PTPRN2: variants seen among roughly 807,000 people sequenced by gnomAD.
PTPRN2 encodes the protein protein tyrosine phosphatase receptor type N2.
PTPRN2 carries 74 observed loss-of-function variants against 118.8 expected under a neutral mutation model. The ratio of observed to expected loss-of-function variants is 0.62; its 90% CI spans 0.52 to 0.76. The LOEUF is 0.76. PTPRN2 is among the 30% of genes least tolerant of loss of function. The probability of loss-of-function intolerance (pLI) is 0.00; values close to 1 mark genes in which losing one functional copy is unlikely to be tolerated. For synonymous variants in PTPRN2, 641 were observed against 608.0 expected (o/e 1.05, Z -0.80); for missense variants, 1,481 against 1,394.4 (o/e 1.06, Z -0.99).
At chr7:158,560,703 A>C (rs1158227346) in intron 1 of PTPRN2, among the ~76,000 whole-genome samples, 1 of 152,246 alleles carries the variant, frequency 6.6e-6, no homozygotes, top group Non-Finnish European at 1.5e-5. Flanking sequence ...GGCACTTTTC[A>C]TGAAGCCCTT....
At chr7:157,759,947 C>T (rs1190903000) in intron 12 of PTPRN2, among the ~76,000 whole-genome samples, 1 of 152,174 alleles carries the variant, frequency 6.6e-6, no homozygotes, top group Non-Finnish European at 1.5e-5. Flanking sequence ...TCAGTGAGAA[C>T]CATAGTGTAG....
intron 2 of PTPRN2, among the ~76,000 whole-genome samples, chr7:158,451,977 T>C (rs1235695599): frequency 6.6e-6 from 1 of 152,226 alleles, no homozygotes; most frequent in East Asian, 1.9e-4. Context: ...GCTATGTATT[T>C]TCCAAATGTC....
At position 157,861,177 on chromosome 7, in the gene PTPRN2, C is replaced by A. The variant is rs1490386487; in HGVS notation, c.1788+37496G>T. On this transcript the variant is annotated intron_variant, in intron 12 of 22. Coordinates refer to ENST00000389418, the MANE Select transcript of PTPRN2 (RefSeq NM_002847.5). The surrounding 1 kb of genome is among the most constrained non-coding windows in gnomAD (Gnocchi z 5.8). The stretch of plus-strand genomic sequence containing the variant: ...AGGGATGTGCCAGCTCAGGGAGGCA[C>A]CCTGTGCGTGCTCCATGGTGACACT... Among the ~76,000 whole-genome samples, 2 of 152,178 alleles carry A rather than the reference C, an allele frequency of 1.3e-5. No individual in the cohort carries two copies. The highest frequency in any genetic ancestry group is 2.9e-5 in the Non-Finnish European group (2 of 68,032).
rs1473964603 is a variant in PTPRN2 at position 157,808,126 on chromosome 7, A to G, written c.1788+90547T>C. Among the ~76,000 whole-genome samples, 1 of 151,012 alleles carries G rather than the reference A, an allele frequency of 6.6e-6. No homozygotes were observed. The highest frequency in any genetic ancestry group is 1.5e-5 in the Non-Finnish European group (1 of 68,016). On this transcript the variant is annotated intron_variant, in intron 12 of 22. Coordinates refer to ENST00000389418, the MANE Select transcript of PTPRN2 (RefSeq NM_002847.5). This position sits in a 1 kb window ranked among gnomAD's most constrained non-coding sequence, Gnocchi z 5.0. Reference sequence around the variant, plus strand: ...ACCAGGCATCCCCAGCCTCTGGGCCACGGACTGACACCAGTCTGTGGCCTG... The same window carrying G: ...ACCAGGCATCCCCAGCCTCTGGGCCGCGGACTGACACCAGTCTGTGGCCTG...
intron 1 of PTPRN2, among the ~76,000 whole-genome samples, chr7:158,585,008 T>C (rs994599137): frequency 2.0e-5 from 3 of 152,210 alleles, no homozygotes; most frequent in African/African-American, 7.2e-5. Context: ...TGAATGTTAA[T>C]AGGTAAATAA....
chr7:157,989,463 C>A (rs1249535931), intron 11 of PTPRN2, among the ~76,000 whole-genome samples: 1 of 151,906 alleles, frequency 6.6e-6, no homozygotes, highest in Non-Finnish European at 1.5e-5. Context: ...AGAAAGACAG[C>A]GGTTTTCATA....
At chr7:158,296,949 G>C (rs910283158) in intron 3 of PTPRN2, among the ~76,000 whole-genome samples, 4 of 152,226 alleles carry the variant, frequency 2.6e-5, no homozygotes, top group African/African-American at 9.6e-5. Context: ...GGGAGGTGGA[G>C]CTTGGGTGGT....
chr7:158,564,651 C>T (rs1212017706), intron 1 of PTPRN2, among the ~76,000 whole-genome samples: 4 of 152,224 alleles, frequency 2.6e-5, no homozygotes, highest in South Asian at 2.1e-4. Context: ...TGGCTTGACT[C>T]CTCACCTTCC....
At chr7:158,336,625 C>A (rs72505563) in intron 2 of PTPRN2, among the ~76,000 whole-genome samples, 14,132 of 81,424 alleles carry the variant, frequency 0.17, 190 homozygotes, top group Middle Eastern at 0.2. Context: ...ATTGGTGACA[C>A]ATGCAGACGT....
chr7:158,167,318 C>T (rs763509491), intron 5 of PTPRN2, 27 bp from the exon 6 acceptor site: 5 of 1,548,782 alleles, frequency 3.2e-6, no homozygotes, highest in Non-Finnish European at 3.5e-6. Context: ...CAAAACAGAG[C>T]AAGAGTCACA....
Position 158,133,764 on chromosome 7 carries a change from C to T in PTPRN2, c.1469G>A (p.Gly490Asp), listed in dbSNP as rs1445532535. The T allele has an allele frequency of 6.2e-7, 1 of 1,613,854 alleles. No homozygotes were observed. Among genetic ancestry groups the T allele is most frequent in the Non-Finnish European group, 8.5e-7 (1 of 1,179,928 alleles). ...PSKEEQSLPAGAQEALSDGLQ... is the reference protein window; with the variant it reads ...PSKEEQSLPADAQEALSDGLQ... ...GCCGTCGCTGAGGGCCTCCTGAGCACCCGCTGGAAGGCTCTGCTCCTCCTT... is the reference window on the plus strand; with the variant it reads ...GCCGTCGCTGAGGGCCTCCTGAGCATCCGCTGGAAGGCTCTGCTCCTCCTT... The change falls in exon 9 of 23, where the codon GGT (glycine) becomes GAT (aspartate). Residue 490 changes from glycine (G) to aspartate (D), a missense_variant. By Grantham distance (94) the Gly-to-Asp change is moderately conservative. This residue lies in a region of PTPRN2 where 1,115 missense variants were observed against 994.2 expected (regional missense o/e 1.12). Coordinates refer to ENST00000389418, the MANE Select transcript of PTPRN2 (RefSeq NM_002847.5).
intron 3 of PTPRN2, among the ~76,000 whole-genome samples, chr7:158,248,065 A>C (rs1203641072): frequency 6.6e-6 from 1 of 152,166 alleles, no homozygotes; most frequent in Admixed American, 6.5e-5. Flanking sequence ...GTAAAGAATT[A>C]GAGACTCCTT....
chr7:157,933,197 T>C (rs540892010), intron 11 of PTPRN2, among the ~76,000 whole-genome samples: 6 of 138,096 alleles, frequency 4.3e-5, no homozygotes, highest in African/African-American at 1.4e-4. Flanking sequence ...TCACTCTGAT[T>C]GACAGTTTTA....
intron 3 of PTPRN2, among the ~76,000 whole-genome samples, chr7:158,250,186 C>T (rs1024991522): frequency 2.0e-5 from 3 of 152,152 alleles, no homozygotes; most frequent in African/African-American, 4.8e-5. Flanking sequence ...GAAAGCCGAA[C>T]AACAGGACCC....
intron 11 of PTPRN2, among the ~76,000 whole-genome samples, chr7:158,023,346 T>C (rs1236432698): frequency 6.6e-6 from 1 of 152,126 alleles, no homozygotes; most frequent in Non-Finnish European, 1.5e-5. Context: ...CAGGTGAGGC[T>C]CTGCTCCCAT....
At chr7:158,233,887 A>G (rs1354798997) in intron 3 of PTPRN2, among the ~76,000 whole-genome samples, 1 of 152,238 alleles carries the variant, frequency 6.6e-6, no homozygotes, top group Admixed American at 6.5e-5. Flanking sequence ...AATCTCTTCA[A>G]TAAATGTTGC....
chr7:158,553,477 C>T (rs998213478), intron 1 of PTPRN2, among the ~76,000 whole-genome samples: 1 of 151,372 alleles, frequency 6.6e-6, no homozygotes, highest in African/African-American at 2.4e-5. Context: ...GGAGTCTACA[C>T]CACCTTTCCT....
At position 157,868,221 on chromosome 7, in the gene PTPRN2, C is replaced by T. The variant is rs1266696008; in HGVS notation, c.1788+30452G>A. ...CTCCGACAGCCCAGTGGTGCACCTA[C>T]AACTGCTTCCCATCGAGGTGGTGGG... On this transcript the variant is annotated intron_variant, in intron 12 of 22. Transcript: ENST00000389418. The surrounding 1 kb of genome is among the most constrained non-coding windows in gnomAD (Gnocchi z 5.2). 6.6e-6 allele frequency among the ~76,000 whole-genome samples: 1 copy of T among 152,226 alleles called. No individual in the cohort carries two copies. Among genetic ancestry groups the T allele is most frequent in the Non-Finnish European group, 1.5e-5 (1 of 68,042 alleles).
chr7:157,848,037 C>G (rs1325397648), intron 12 of PTPRN2, among the ~76,000 whole-genome samples: 1 of 151,246 alleles, frequency 6.6e-6, no homozygotes, highest in African/African-American at 2.4e-5. Context: ...CTCATTACAT[C>G]GTGTGTGCCT....
Sources: gnomAD v4.1 joint callset for allele counts (sites outside exome capture counted in the v4.1 genomes callset) on GRCh38, gnomAD v4.1.1 for gene constraint, gnomAD v4.1.1 regional missense constraint, Gnocchi (gnomAD v3.1) non-coding constraint, MANE v1.5 for transcripts, NCBI Gene and HGNC (gene_info 2026-07-23, HGNC 2026-07-21) for gene names.